Variants in MAPK9 observed in about 807,000 individuals in gnomAD.
MAPK9 encodes Jun kinase.
MAPK9 carries 30 observed loss-of-function variants against 57.1 expected under a neutral mutation model. The observed-to-expected ratio is 0.53, with a 90% CI of 0.39 to 0.71. The LOEUF (loss-of-function observed/expected upper bound fraction) is 0.71. MAPK9 is among the 30% of genes least tolerant of loss of function. The probability of loss-of-function intolerance (pLI) is 0.00; values close to 1 mark genes in which losing one functional copy is unlikely to be tolerated. For missense variants in MAPK9, 362 were observed against 521.0 expected (o/e 0.69, Z 2.97); for synonymous variants, 155 against 177.0 (o/e 0.88, Z 0.99).
At chr5:180,258,399 T>A (rs922118009) in intron 5 of MAPK9, 2 of 152,260 alleles carry the variant, frequency 1.3e-5, no homozygotes, top group Non-Finnish European at 2.9e-5. Flanking sequence ...TCCATGTGTT[T>A]AAGAAATATG....
intron 2 of MAPK9, among the ~76,000 whole-genome samples, chr5:180,270,858 CA>C (rs761904802): frequency 1.2e-3 from 96 of 83,022 alleles, no homozygotes; most frequent in Non-Finnish European, 1.5e-3. Flanking sequence ...CCCAGGGTCT[CA>C]AAAAAAAAAA....
chr5:180,275,445 T>C (rs926320805), intron 2 of MAPK9, among the ~76,000 whole-genome samples: 2 of 152,174 alleles, frequency 1.3e-5, no homozygotes, highest in Admixed American at 6.6e-5. Flanking sequence ...TAAAAGAAGT[T>C]TGCCACACAA....
intron 3 of MAPK9, among the ~76,000 whole-genome samples, chr5:180,266,034 T>C (rs552624584): frequency 6.7e-5 from 10 of 150,052 alleles, no homozygotes; most frequent in Non-Finnish European, 1.5e-4. Flanking sequence ...AAAATCAGTA[T>C]GTCAACAACA....
At chr5:180,262,484 G>A (rs1760082429) in intron 4 of MAPK9, among the ~76,000 whole-genome samples, 1 of 151,682 alleles carries the variant, frequency 6.6e-6, no homozygotes, top group Admixed American at 6.6e-5. Context: ...CTGGAGTGCA[G>A]TGGCGTGATC....
At chr5:180,236,737 T>C (rs1171992195) in intron 11 of MAPK9, 1 of 430,632 alleles carries the variant, frequency 2.3e-6, no homozygotes, top group Non-Finnish European at 4.1e-6. Context: ...ATGTCTTTCC[T>C]TGCAAGATTC....
intron 3 of MAPK9, among the ~76,000 whole-genome samples, 170 bp downstream of exon 3, chr5:180,269,110 G>T (rs1428175232): frequency 2.0e-5 from 3 of 152,172 alleles, no homozygotes; most frequent in African/African-American, 7.2e-5. Flanking sequence ...CTGCATTCCA[G>T]CCTGGGCGAC....
intron 6 of MAPK9, among the ~76,000 whole-genome samples, chr5:180,248,563 A>G (rs548330649): frequency 1.3e-5 from 2 of 152,344 alleles, no homozygotes; most frequent in Admixed American, 6.5e-5. Context: ...TCAAAAAAAC[A>G]ATATGCAGAC....
chr5:180,238,501 G>C, intron 10 of MAPK9, 98 bp from the exon 11 acceptor site: 1 of 851,608 alleles, frequency 1.2e-6, no homozygotes. Flanking sequence ...CAAAGGCATT[G>C]CGATTTGTTA....
At chr5:180,253,900 C>T (rs1758975730) in intron 5 of MAPK9, among the ~76,000 whole-genome samples, 1 of 151,708 alleles carries the variant, frequency 6.6e-6, no homozygotes, top group Non-Finnish European at 1.5e-5. Flanking sequence ...CCAAGAGACA[C>T]CCATTCTTTA....
chr5:180,278,633 A>C (rs1213780661), intron 2 of MAPK9, among the ~76,000 whole-genome samples: 1 of 152,166 alleles, frequency 6.6e-6, no homozygotes, highest in Non-Finnish European at 1.5e-5. Flanking sequence ...CAGGAGGCGG[A>C]GGCTACAGTG....
At chr5:180,264,002 G>A (rs1760275883) in intron 4 of MAPK9, among the ~76,000 whole-genome samples, 1 of 152,136 alleles carries the variant, frequency 6.6e-6, no homozygotes, top group South Asian at 2.1e-4. Flanking sequence ...ACCGCACCCG[G>A]CCAGACCAAC....
chr5:180,279,252 G>A (rs556004079), intron 2 of MAPK9, among the ~76,000 whole-genome samples: 16 of 152,214 alleles, frequency 1.1e-4, no homozygotes, highest in African/African-American at 2.9e-4. Context: ...CACCGTGCCC[G>A]GCCACCTTTA....
chr5:180,275,061 C>T (rs148260381), intron 2 of MAPK9, among the ~76,000 whole-genome samples: 23 of 152,252 alleles, frequency 1.5e-4, no homozygotes, highest in African/African-American at 5.3e-4. Flanking sequence ...TCACCTTGAA[C>T]GTAATATCAT....
intron 2 of MAPK9, among the ~76,000 whole-genome samples, chr5:180,272,670 G>A (rs1761444595): frequency 6.6e-6 from 1 of 152,164 alleles, no homozygotes. Context: ...CTCATCCATT[G>A]TTGCTGTATG....
intron 1 of MAPK9, among the ~76,000 whole-genome samples, chr5:180,289,956 T>C (rs1192623283): frequency 1.3e-5 from 2 of 152,148 alleles, no homozygotes; most frequent in African/African-American, 2.4e-5. Flanking sequence ...CCTGGGCTCA[T>C]GGGATCCTTC....
At chr5:180,238,053 C>A in intron 11 of MAPK9, 1 of 220,666 alleles carries the variant, frequency 4.5e-6, no homozygotes, top group African/African-American at 2.3e-5. Flanking sequence ...GGGCAGATCA[C>A]AAGGTCAGGA....
intron 10 of MAPK9, 105 bp from the exon 11 acceptor site, chr5:180,238,508 G>T: frequency 5.4e-6 from 4 of 736,980 alleles, no homozygotes; most frequent in Non-Finnish European, 6.7e-6. Flanking sequence ...ATTGCGATTT[G>T]TTATTTTTAA....
Position 180,238,557 on chromosome 5 carries a change from G to T in MAPK9, c.1061-154C>A, listed in dbSNP as rs184215476. On this transcript the variant is annotated intron_variant, in intron 10 of 11. Transcript: ENST00000452135. ...TCAATTCAGTAATATAGTCTACCTG[G>T]ACCAAAATATTCATATTTTGATACA... is the stretch of plus-strand genomic sequence containing the variant. Among the ~76,000 whole-genome samples the T allele has an allele frequency of 1.8e-3, 275 of 151,274 alleles. 1 individual carries two copies. The highest frequency in any genetic ancestry group is 2.8e-3 in the Non-Finnish European group (192 of 67,876).
intron 1 of MAPK9, among the ~76,000 whole-genome samples, chr5:180,288,893 TTC>T (rs1480664905): frequency 6.6e-6 from 1 of 152,242 alleles, no homozygotes; most frequent in African/African-American, 2.4e-5. Context: ...CAGGACACTA[TTC>T]TGTTTATTTT....
Sources: gnomAD v4.1 joint callset for allele counts (sites outside exome capture counted in the v4.1 genomes callset) on GRCh38, gnomAD v4.1.1 for gene constraint, MANE v1.5 for transcripts, NCBI Gene and HGNC (gene_info 2026-07-23, HGNC 2026-07-21) for gene names.